Variants in WDR17 observed in about 807,000 individuals in gnomAD.
WDR17 encodes the protein WD repeat domain 17.
Under a neutral mutation model 161.7 loss-of-function variants are expected in WDR17, and 143 were observed. That is an observed-to-expected ratio of 0.88 (90% CI 0.77 to 1.02). WDR17 has a LOEUF of 1.02. WDR17 is among the 50% of genes least tolerant of loss of function. The probability of loss-of-function intolerance (pLI) is 0.00; values close to 1 mark genes in which losing one functional copy is unlikely to be tolerated. For synonymous variants in WDR17, 517 were observed against 515.6 expected (o/e 1.00, Z -0.04); for missense variants, 1,469 against 1,520.9 (o/e 0.97, Z 0.57).
intron 1 of WDR17, among the ~76,000 whole-genome samples, chr4:176,106,624 T>C (rs894353348): frequency 6.6e-6 from 1 of 152,114 alleles, no homozygotes; most frequent in Admixed American, 6.6e-5. Flanking sequence ...AACATGCAAA[T>C]TGGATTTCAT....
Position 176,066,357 on chromosome 4 carries a change from G to A in WDR17, c.-7+278G>A, listed in dbSNP as rs908316942. 5.3e-5 allele frequency among the ~76,000 whole-genome samples: 8 copies of A among 152,156 alleles called. 1 individual carries two copies. Among genetic ancestry groups the A allele is most frequent in the Admixed American group, 4.6e-4 (7 of 15,278 alleles). On this transcript the variant is annotated intron_variant, in intron 1 of 28. Coordinates refer to ENST00000508596, the MANE Select transcript of WDR17 (RefSeq NM_181265.4). Reference sequence around the variant, plus strand: ...AGTGTAAACTGTGGACATTTCGAGGGACATTGTTTTATTTTTATGGCTATT... The same window carrying A: ...AGTGTAAACTGTGGACATTTCGAGGAACATTGTTTTATTTTTATGGCTATT...
rs779301665 is a variant in WDR17 at position 176,139,968 on chromosome 4, G to A, written c.1436G>A (p.Gly479Asp). ...AGAATAGCAACCTGCAGCAGTGATGGTTTCTGGTAAGTACTATGTATGATA... is the reference window on the plus strand; with the variant it reads ...AGAATAGCAACCTGCAGCAGTGATGATTTCTGGTAAGTACTATGTATGATA... Reference protein sequence around the residue: ...SKRIATCSSDGFCIIRTIDGK... With the variant: ...SKRIATCSSDDFCIIRTIDGK... Residue 479 changes from glycine (G) to aspartate (D), a missense_variant, in exon 10 of 29, where the codon GGT becomes GAT. By Grantham distance (94) the Gly-to-Asp change is moderately conservative. Coordinates refer to ENST00000508596, the MANE Select transcript of WDR17 (RefSeq NM_181265.4). 17 of 1,610,382 alleles carry A rather than the reference G, an allele frequency of 1.1e-5. No homozygotes were observed. The highest frequency in any genetic ancestry group is 1.4e-5 in the Non-Finnish European group (16 of 1,177,608).
At chr4:176,149,690 A>G in intron 13 of WDR17, 117 bp from the exon 14 acceptor site, 2 of 1,256,326 alleles carry the variant, frequency 1.6e-6, no homozygotes, top group Non-Finnish European at 2.2e-6. Context: ...AGAACCTTTC[A>G]GTTACTCACA....
intron 3 of WDR17, among the ~76,000 whole-genome samples, chr4:176,118,127 A>C (rs1329423085): frequency 1.3e-5 from 2 of 152,192 alleles, no homozygotes; most frequent in Admixed American, 6.5e-5. Flanking sequence ...ACTTTATGTC[A>C]CAGTGGATAA....
At chr4:176,076,275 A>G (rs1213847006) in intron 1 of WDR17, among the ~76,000 whole-genome samples, 1 of 142,614 alleles carries the variant, frequency 7.0e-6, no homozygotes, top group Non-Finnish European at 1.5e-5. Context: ...ACACATATAT[A>G]TACATGTAAG....
At chr4:176,136,964 A>G (rs1744517904) in intron 8 of WDR17, among the ~76,000 whole-genome samples, 1 of 151,590 alleles carries the variant, frequency 6.6e-6, no homozygotes, top group Admixed American at 6.6e-5. Flanking sequence ...TTGGCCATCT[A>G]CTACTCACTT....
rs1384555562 is a variant in WDR17, at chr4:176,065,893, G to A, written c.-193G>A. On this transcript the variant is annotated 5_prime_UTR_variant, in exon 1 of 29. Transcript: ENST00000508596. ...GCGCCTTCCATCGTGGCTCCGCGCT[G>A]GGGCTTGCGGAGCACGCTTCCCGCC... 2 of 152,124 alleles carry A rather than the reference G, an allele frequency of 1.3e-5. No individual in the cohort carries two copies. The allele number at this position is 152,124 out of a possible 1,614,324, so 9.4% of individuals were successfully genotyped here. A position where few individuals can be genotyped will look rare whatever the true frequency, so the allele number is the denominator to read the frequency against.
intron 7 of WDR17, 60 bp from the exon 8 acceptor site, chr4:176,135,048 C>A (rs1744178188): frequency 4.0e-5 from 60 of 1,510,618 alleles, no homozygotes; most frequent in Non-Finnish European, 5.4e-5. Context: ...CATTGTGGTT[C>A]ATCTATTAAT....
Position 176,116,995 on chromosome 4 carries a change from C to T in WDR17, c.307+1016C>T, listed in dbSNP as rs1005856432. Among the ~76,000 whole-genome samples the T allele has an allele frequency of 5.3e-5, 8 of 151,896 alleles. No individual in the cohort carries two copies. In the East Asian group the frequency reaches 1.5e-3, roughly 29 times the overall value. ...CAACTAGAAGTATATGGATCTCATT[C>T]CCAAGTTTATGTACCCTGTTTTTTA... On this transcript the variant is annotated intron_variant, in intron 3 of 28. Transcript: ENST00000508596.
intron 1 of WDR17, among the ~76,000 whole-genome samples, chr4:176,071,472 G>A (rs1733238426): frequency 6.6e-6 from 1 of 152,020 alleles, no homozygotes; most frequent in Non-Finnish European, 1.5e-5. Context: ...ACAGGCGCAG[G>A]CCATTATGCC....
At chr4:176,168,604 G>T in intron 22 of WDR17, 68 bp from the exon 23 acceptor site, 1 of 1,586,480 alleles carries the variant, frequency 6.3e-7, no homozygotes, top group South Asian at 1.1e-5. Flanking sequence ...GCCCTTCTTT[G>T]AGATAGTTAT....
intron 1 of WDR17, among the ~76,000 whole-genome samples, chr4:176,077,034 A>G (rs1263001374): frequency 2.6e-5 from 4 of 152,042 alleles, no homozygotes; most frequent in African/African-American, 7.2e-5. Flanking sequence ...GCATTGACTC[A>G]ATCAATGGGG....
chr4:176,144,316 T>C (rs1561172206), intron 11 of WDR17, among the ~76,000 whole-genome samples: 2 of 152,212 alleles, frequency 1.3e-5, no homozygotes, highest in Admixed American at 1.3e-4. Context: ...TGGTTGCATA[T>C]TGGCTGTCTC....
chr4:176,100,826 A>G (rs1038167300), intron 1 of WDR17, among the ~76,000 whole-genome samples: 71 of 152,122 alleles, frequency 4.7e-4, no homozygotes, highest in Non-Finnish European at 9.1e-4. Flanking sequence ...TTCCAGCACT[A>G]TTTATTGAAA....
intron 9 of WDR17, among the ~76,000 whole-genome samples, chr4:176,138,762 T>C (rs1220901348): frequency 1.3e-5 from 2 of 151,898 alleles, no homozygotes; most frequent in Non-Finnish European, 3.0e-5. Flanking sequence ...ACTTCCAGCC[T>C]GATTGTGGAA....
intron 5 of WDR17, 64 bp downstream of exon 5, chr4:176,125,419 A>G (rs1325825344): frequency 7.1e-6 from 11 of 1,554,642 alleles, no homozygotes; most frequent in Non-Finnish European, 8.7e-6. Context: ...TGAATTTAGG[A>G]AATTGTCCTT....
At chr4:176,117,916 C>T (rs950996228) in intron 3 of WDR17, among the ~76,000 whole-genome samples, 4 of 151,966 alleles carry the variant, frequency 2.6e-5, no homozygotes, top group South Asian at 4.1e-4. Context: ...TTTTTAGAAT[C>T]CAGCTTAAGC....
chr4:176,071,241 A>G (rs1733194051), intron 1 of WDR17, among the ~76,000 whole-genome samples: 1 of 151,880 alleles, frequency 6.6e-6, no homozygotes, highest in Non-Finnish European at 1.5e-5. Flanking sequence ...ATTTCCTTCC[A>G]TAGTGTTCTC....
rs143706025 is a variant in WDR17, at chr4:176,147,086, C to T, written c.1694+927C>T. ...TTCACCATGTTGGCCAGGATGGTCT[C>T]GATCTCTTGACCTCATGATCCGCCC... On this transcript the variant is annotated intron_variant, in intron 12 of 28. Transcript: ENST00000508596. Among the ~76,000 whole-genome samples the T allele has an allele frequency of 4.5e-3, 682 of 152,094 alleles. 7 individuals carry two copies. The highest frequency in any genetic ancestry group is 0.015 in the African/African-American group (629 of 41,476).
Sources: gnomAD v4.1 joint callset for allele counts (sites outside exome capture counted in the v4.1 genomes callset) on GRCh38, gnomAD v4.1.1 for gene constraint, MANE v1.5 for transcripts, NCBI Gene and HGNC (gene_info 2026-07-23, HGNC 2026-07-21) for gene names.